The following NFKB1 variants were observed in gnomAD, a reference collection of about 807,000 sequenced individuals.
NFKB1 encodes the protein nuclear factor kappa B subunit 1, also known as nuclear factor NF-kappa-B p105 subunit.
Under a neutral mutation model 105.1 loss-of-function variants are expected in NFKB1, and 9 were observed. That is an observed-to-expected ratio of 0.09 (90% confidence interval 0.05 to 0.15). NFKB1 has a LOEUF of 0.15. Ranked by LOEUF, NFKB1 falls within the 10% of genes least tolerant of loss-of-function variation. The pLI is 1.00. For missense variants in NFKB1, 830 were observed against 1,203.7 expected, an observed-to-expected ratio of 0.69 and a Z score of 4.59; for synonymous variants, 440 against 442.2, an observed-to-expected ratio of 1.00 and a Z score of 0.06.
chr4:102,610,336 T>C (rs1322693399), intron 19 of NFKB1, among the ~76,000 whole-genome samples: 2 of 152,260 alleles, frequency 1.3e-5, no homozygotes, highest in African/African-American at 2.4e-5. Context: ...AGTCTTTTTT[T>C]CTTCAATAGT....
intron 4 of NFKB1, among the ~76,000 whole-genome samples, chr4:102,536,129 C>T (rs1260152827): frequency 6.6e-6 from 1 of 151,880 alleles, no homozygotes; most frequent in Non-Finnish European, 1.5e-5. Context: ...ATTCTGCAGG[C>T]TATTATACAT....
rs1726586477 is a variant in NFKB1 at position 102,596,118 on chromosome 4, T to A, written c.1301-20T>A. The A allele has an allele frequency of 6.7e-7, 1 of 1,489,248 alleles. No individual in the cohort carries two copies. Among genetic ancestry groups the A allele is most frequent in the Admixed American group, 2.0e-5 (1 of 49,390 alleles). 92.3% of individuals were successfully genotyped at this position (1,489,248 alleles called of 1,614,324 possible). On this transcript the variant is annotated intron_variant, in intron 13 of 23. Transcript: ENST00000226574. ...ATACATTTTACTGAGAAAAATCTGATGTTTTTGCATTTATCTTAGGAACCA... is the reference window on the plus strand; with the variant it reads ...ATACATTTTACTGAGAAAAATCTGAAGTTTTTGCATTTATCTTAGGAACCA...
chr4:102,568,757 A>T (rs963671866), intron 6 of NFKB1, among the ~76,000 whole-genome samples: 1 of 152,142 alleles, frequency 6.6e-6, no homozygotes, highest in African/African-American at 2.4e-5. Context: ...TTGAGACCTT[A>T]AAGCGGGAAT....
chr4:102,552,591 CAA>C (rs1273597150), intron 5 of NFKB1, among the ~76,000 whole-genome samples: 1 of 152,074 alleles, frequency 6.6e-6, no homozygotes, highest in African/African-American at 2.4e-5. Context: ...AAATCTGTAA[CAA>C]GGGATAATCA....
intron 19 of NFKB1, among the ~76,000 whole-genome samples, chr4:102,609,121 C>G (rs1290857429): frequency 3.6e-5 from 4 of 112,442 alleles, no homozygotes; most frequent in Non-Finnish European, 5.7e-5. Context: ...CCACTGCACT[C>G]CAGCCTGAGC....
chr4:102,548,659 G>A (rs1722324920), intron 5 of NFKB1, among the ~76,000 whole-genome samples: 1 of 152,088 alleles, frequency 6.6e-6, no homozygotes, highest in East Asian at 1.9e-4. Context: ...TCTTCGCAGG[G>A]CCGTGCCCCC....
At chr4:102,531,662 C>T (rs75816590) in intron 3 of NFKB1, among the ~76,000 whole-genome samples, 8,707 of 152,044 alleles carry the variant, frequency 0.057, 277 homozygotes, top group African/African-American at 0.091. Context: ...GAATGTTGGC[C>T]TTAAAACAAC....
chr4:102,532,083 T>A (rs1364302141), intron 3 of NFKB1, among the ~76,000 whole-genome samples: 2 of 152,220 alleles, frequency 1.3e-5, no homozygotes, highest in Non-Finnish European at 2.9e-5. Context: ...GGGGAATTTT[T>A]AAATTATGAT....
At chr4:102,509,416 G>A (rs1209504780) in intron 1 of NFKB1, among the ~76,000 whole-genome samples, 2 of 152,172 alleles carry the variant, frequency 1.3e-5, no homozygotes, top group African/African-American at 4.8e-5. Context: ...CCAAATAGGA[G>A]TCAATCCAAG....
At chr4:102,599,225 T>C (rs935470317) in intron 15 of NFKB1, among the ~76,000 whole-genome samples, 1 of 152,208 alleles carries the variant, frequency 6.6e-6, no homozygotes. Flanking sequence ...TCTTGGTGTA[T>C]GTGCATCATG....
intron 5 of NFKB1, among the ~76,000 whole-genome samples, chr4:102,562,555 A>G (rs1009183131): frequency 1.3e-5 from 2 of 152,210 alleles, no homozygotes; most frequent in Non-Finnish European, 2.9e-5. Flanking sequence ...GAGAGGATTT[A>G]TATTTGGGAT....
chr4:102,609,537 TG>T (rs1728188859), intron 19 of NFKB1, among the ~76,000 whole-genome samples: 1 of 136,530 alleles, frequency 7.3e-6, no homozygotes, highest in South Asian at 2.4e-4. Context: ...ACTTGAGCCC[TG>T]GAGGCTGAGG....
intron 7 of NFKB1, 102 bp downstream of exon 7, chr4:102,577,141 C>A: frequency 8.3e-7 from 1 of 1,208,266 alleles, no homozygotes; most frequent in Non-Finnish European, 1.1e-6. Flanking sequence ...GTCTCTACCC[C>A]ACACTGCTGT....
intron 3 of NFKB1, among the ~76,000 whole-genome samples, chr4:102,531,743 G>A (rs938629236): frequency 6.6e-6 from 1 of 152,040 alleles, no homozygotes; most frequent in Non-Finnish European, 1.5e-5. Context: ...GAGGAAAAAT[G>A]GCTCTATTTT....
At position 102,520,683 on chromosome 4, in the gene NFKB1, A is replaced by T. The variant is rs527599853; in HGVS notation, c.-7-4829A>T. 2.4e-4 allele frequency among the ~76,000 whole-genome samples: 35 copies of T among 145,748 alleles called. No individual in the cohort carries two copies. In the East Asian group the frequency reaches 5.9e-3, roughly 24 times the overall value. On this transcript the variant is annotated intron_variant, in intron 1 of 23. Transcript: ENST00000226574. ...TAAAAACTTTCAGAAATCAGCTTTTAAAAAAAAAAAGTAACTAAGCCATGA... is the reference window on the plus strand; with the variant it reads ...TAAAAACTTTCAGAAATCAGCTTTTTAAAAAAAAAAGTAACTAAGCCATGA...
intron 5 of NFKB1, among the ~76,000 whole-genome samples, chr4:102,553,808 A>T (rs1385436769): frequency 6.6e-6 from 1 of 152,192 alleles, no homozygotes; most frequent in Non-Finnish European, 1.5e-5. Flanking sequence ...TAATGACAAA[A>T]GTTGAAATCT....
In NFKB1 at chr4:102,607,231, A is replaced by T; in HGVS notation, c.2036A>T (p.Asn679Ile). The T allele has an allele frequency of 6.2e-7, 1 of 1,614,204 alleles. No individual in the cohort carries two copies. Among genetic ancestry groups the T allele is most frequent in the Non-Finnish European group, 8.5e-7 (1 of 1,180,038 alleles). The change falls in exon 18 of 24, where the codon AAT becomes ATT. Residue 679 changes from asparagine (N) to isoleucine (I), a missense_variant. Asn to Ile is a moderately radical substitution (Grantham distance 149). This residue lies in a region of NFKB1 where 418 missense variants were observed against 575.3 expected (regional missense o/e 0.73). Transcript: ENST00000226574. The stretch of plus-strand genomic sequence containing the variant: ...CTGGTGGCCGCTGGGGCTGACGTCA[A>T]TGCTCAGGAGCAGAAGTCCGGGCGC... ...LLLVAAGADVNAQEQKSGRTA... is the reference protein window; with the variant it reads ...LLLVAAGADVIAQEQKSGRTA...
intron 15 of NFKB1, among the ~76,000 whole-genome samples, chr4:102,598,480 A>T (rs375828693): frequency 1.7e-3 from 264 of 152,308 alleles, no homozygotes; most frequent in African/African-American, 5.9e-3. Flanking sequence ...TTTAAAAATT[A>T]AACCAAGCAC....
intron 3 of NFKB1, among the ~76,000 whole-genome samples, chr4:102,531,486 A>G (rs1741286775): frequency 2.0e-5 from 3 of 152,124 alleles, no homozygotes; most frequent in Non-Finnish European, 4.4e-5. Context: ...TTAACTTGTA[A>G]CTCTAAAATG....
Sources: gnomAD v4.1 joint callset for allele counts (sites outside exome capture counted in the v4.1 genomes callset) on GRCh38, gnomAD v4.1.1 for gene constraint, gnomAD v4.1.1 regional missense constraint, MANE v1.5 for transcripts, NCBI Gene and HGNC (gene_info 2026-07-23, HGNC 2026-07-21) for gene names.